MTMR10: variants seen among roughly 807,000 people sequenced by gnomAD.
The protein encoded by MTMR10 is myotubularin related protein 10.
Under a neutral mutation model 88.1 loss-of-function variants are expected in MTMR10, and 56 were observed. That is an observed-to-expected ratio of 0.64 (90% confidence interval 0.51 to 0.79). MTMR10 has a LOEUF of 0.79. Among genes scored for constraint, MTMR10 ranks in the 30% least tolerant of loss-of-function variants. MTMR10 has a pLI of 0.00. For missense variants in MTMR10, 883 were observed against 924.7 expected (o/e 0.95, Z 0.58); for synonymous variants, 380 against 340.9 (o/e 1.11, Z -1.26).
chr15:30,964,674 G>A (rs115020022), intron 6 of MTMR10, among the ~76,000 whole-genome samples: 1,703 of 152,294 alleles, frequency 0.011, 23 homozygotes, highest in African/African-American at 0.038. Context: ...TCGCTATGAG[G>A]GGCTGGACCA....
intron 5 of MTMR10, among the ~76,000 whole-genome samples, chr15:30,970,043 T>C (rs2063519245): frequency 6.6e-6 from 1 of 152,170 alleles, no homozygotes; most frequent in East Asian, 1.9e-4. Flanking sequence ...AGTGCTTATT[T>C]TGCTTTACTT....
chr15:30,922,203 C>T, the MTMR10 span: 1 of 1,595,758 alleles, frequency 6.3e-7, no homozygotes, highest in East Asian at 2.2e-5. Context: ...TTTTGTGAAT[C>T]TAATGAGGTT....
At chr15:30,969,150 T>G (rs2063507324) in intron 5 of MTMR10, among the ~76,000 whole-genome samples, 1 of 152,132 alleles carries the variant, frequency 6.6e-6, no homozygotes, top group Non-Finnish European at 1.5e-5. Flanking sequence ...TAAGCATGTG[T>G]CAACTTGTTT....
chr15:30,989,918 C>T (rs1411491423), intron 2 of MTMR10, among the ~76,000 whole-genome samples: 1 of 152,142 alleles, frequency 6.6e-6, no homozygotes, highest in Non-Finnish European at 1.5e-5. Flanking sequence ...TCCTAAGTAT[C>T]TGGCTACTTC....
chr15:30,931,823 G>A, the MTMR10 span, among the ~76,000 whole-genome samples: 1 of 152,098 alleles, frequency 6.6e-6, no homozygotes, highest in African/African-American at 2.4e-5. Flanking sequence ...ACATCTTGGA[G>A]TCAGGTAGTG....
chr15:30,941,843 A>C lies in MTMR10; in HGVS notation c.1961T>G (p.Ile654Arg). The change falls in exon 16 of 16, where the codon ATA (isoleucine) becomes AGA (arginine). Residue 654 changes from isoleucine (I) to arginine (R), a missense_variant. Transcript: ENST00000435680. ...GAAGTAGCACAGTTTCCACAGTTTT[A>C]TGTGTGTTCCAGAGACACGTGGCAG... ...VILPRVSGTH[I>R]KLWKLCYFRW... is the part of the protein sequence containing the mutation. 6.2e-7 allele frequency: 1 copy of C among 1,613,986 alleles called. No homozygotes were observed. Among genetic ancestry groups the C allele is most frequent in the Non-Finnish European group, 8.5e-7 (1 of 1,179,904 alleles).
chr15:30,988,166 G>C (rs1435442240), intron 2 of MTMR10, among the ~76,000 whole-genome samples: 1 of 152,204 alleles, frequency 6.6e-6, no homozygotes, highest in East Asian at 1.9e-4. Context: ...AGTGAGAGAT[G>C]TGACAGGCGA....
chr15:30,960,346 T>C (rs1046781780), intron 7 of MTMR10, among the ~76,000 whole-genome samples: 2 of 152,196 alleles, frequency 1.3e-5, no homozygotes, highest in African/African-American at 4.8e-5. Context: ...TGAAACATTC[T>C]TGCCAAAAGT....
At position 30,939,866 on chromosome 15, in the gene MTMR10, AG is replaced by A. The variant is rs2062980008; in HGVS notation, c.*1603del. 1.4e-5 allele frequency: 14 copies of A among 985,350 alleles called. No individual in the cohort carries two copies. The highest frequency in any genetic ancestry group is 1.7e-5 in the Non-Finnish European group (14 of 829,814). 61.0% of individuals were successfully genotyped at this position (985,350 alleles called of 1,614,324 possible). Reference sequence around the variant, plus strand: ...AATTCTATTTGTATAAACTGAAACTAGCCCTTATTTTCTAGGCAACAAGTTG... The same window carrying A: ...AATTCTATTTGTATAAACTGAAACTACCCTTATTTTCTAGGCAACAAGTTG... On this transcript the variant is annotated 3_prime_UTR_variant, in exon 16 of 16. Transcript: ENST00000435680.
chr15:30,925,240 C>A, the MTMR10 span: 2 of 1,613,996 alleles, frequency 1.2e-6, no homozygotes, highest in African/African-American at 2.7e-5. Context: ...GTAAAAAGTT[C>A]AAGCACCTCT....
At chr15:30,937,473 A>ACAGG (rs2062892089), downstream of MTMR10, among the ~76,000 whole-genome samples, 1 of 125,368 alleles carries the variant, frequency 8.0e-6, no homozygotes, top group Admixed American at 9.3e-5. Context: ...TTTTTTTGAG[A>ACAGG]CAGAGTCTCG....
intron 12 of MTMR10, chr15:30,949,623 A>G (rs1252006020): frequency 1.3e-5 from 2 of 152,188 alleles, no homozygotes; most frequent in Admixed American, 6.5e-5. Flanking sequence ...CAAAATAAAT[A>G]TAAGACTTAC....
chr15:30,930,394 C>T, the MTMR10 span: 1 of 856,178 alleles, frequency 1.2e-6, no homozygotes, highest in South Asian at 2.3e-5. Flanking sequence ...AGCTCTGGTA[C>T]AAGCAGCAGA....
At chr15:30,950,853 T>G (rs1424554363) in intron 12 of MTMR10, among the ~76,000 whole-genome samples, 2 of 152,236 alleles carry the variant, frequency 1.3e-5, no homozygotes, top group African/African-American at 2.4e-5. Context: ...GCATATAACC[T>G]ATGCACATCC....
At chr15:30,929,694 AAT>A in the MTMR10 span, among the ~76,000 whole-genome samples, 3 of 59,840 alleles carry the variant, frequency 5.0e-5, no homozygotes, top group Non-Finnish European at 7.3e-5. Flanking sequence ...ATATATATAA[AAT>A]ATATATTATA....
At chr15:30,968,534 A>AACACACACACACTC (rs2063498710) in intron 5 of MTMR10, among the ~76,000 whole-genome samples, 1 of 143,074 alleles carries the variant, frequency 7.0e-6, no homozygotes, top group Non-Finnish European at 1.5e-5. Context: ...TCAAAAAAAC[A>AACACACACACACTC]ACACACACAC....
intron 2 of MTMR10, among the ~76,000 whole-genome samples, chr15:30,977,980 A>G (rs1252883168): frequency 6.6e-6 from 1 of 152,200 alleles, no homozygotes; most frequent in Non-Finnish European, 1.5e-5. Context: ...CACTTTGAAG[A>G]CAAGCCTCCC....
Position 30,941,885 on chromosome 15 carries a change from T to G in MTMR10, c.1919A>C (p.Asn640Thr). The change falls in exon 16 of 16, where the codon AAC becomes ACC. Residue 640 changes from asparagine to threonine, a missense_variant. This residue lies in a region of MTMR10 where 343 missense variants were observed against 323.2 expected (regional missense o/e 1.06). Transcript: ENST00000435680. Reference protein sequence around the residue: ...YFREWFSKPANLHGVILPRVS... With the variant: ...YFREWFSKPATLHGVILPRVS... ...ACGTGGCAGAATAACACCGTGCAGG[T>G]TGGCGGGTTTGGAAAACCATTCTCT... 6.2e-7 allele frequency: 1 copy of G among 1,614,004 alleles called. No individual in the cohort carries two copies. The highest frequency in any genetic ancestry group is 8.5e-7 in the Non-Finnish European group (1 of 1,179,894).
chr15:30,953,654 A>T, intron 10 of MTMR10, 23 bp from the exon 11 acceptor site: 3 of 1,440,166 alleles, frequency 2.1e-6, no homozygotes, highest in Non-Finnish European at 2.8e-6. Flanking sequence ...ATATACATAC[A>T]CATTTTTACT....
Sources: gnomAD v4.1 joint callset for allele counts (sites outside exome capture counted in the v4.1 genomes callset) on GRCh38, gnomAD v4.1.1 for gene constraint, gnomAD v4.1.1 regional missense constraint, MANE v1.5 for transcripts, NCBI Gene and HGNC (gene_info 2026-07-23, HGNC 2026-07-21) for gene names.